Variants in HOOK1 observed in about 807,000 individuals in gnomAD.
HOOK1 encodes the protein protein Hook homolog 1.
In HOOK1, 60 loss-of-function variants were observed where a neutral mutation model predicts 112.8. The observed-to-expected ratio is 0.53, with a 90% CI of 0.43 to 0.66. The LOEUF (loss-of-function observed/expected upper bound fraction) is 0.66. Among genes scored for constraint, HOOK1 ranks in the 30% least tolerant of loss-of-function variants. The pLI, the probability that HOOK1 is intolerant of heterozygous loss-of-function variation, is 0.00. For synonymous variants in HOOK1, 294 were observed against 283.8 expected (o/e 1.04, Z -0.36); for missense variants, 770 against 856.0 (o/e 0.90, Z 1.25).
chr1:59,819,138 ATTTTTTTTTT>A lies in HOOK1; in HGVS notation c.64-2700_64-2691del, dbSNP rs60936378. Among the ~76,000 whole-genome samples, 67 of 76,536 alleles carry A rather than the reference ATTTTTTTTTT, an allele frequency of 8.8e-4. 1 individual carries two copies. Among genetic ancestry groups the A allele is most frequent in the Non-Finnish European group, 4.9e-4 (21 of 43,018 alleles). The allele number at this position is 76,536 out of a possible 152,430, so 50.2% of individuals were successfully genotyped here. ...TTTGACCTCACTCGCCCCAATAAGCATTTTTTTTTTTTTTTTTTTTTTTTTTTTTGAGGCG... is the reference window on the plus strand; with the variant it reads ...TTTGACCTCACTCGCCCCAATAAGCATTTTTTTTTTTTTTTTTTTGAGGCG... On this transcript the variant is annotated intron_variant, in intron 1 of 21. Transcript: ENST00000371208.
intron 7 of HOOK1, 127 bp from the exon 8 acceptor site, chr1:59,840,181 A>T: frequency 2.2e-6 from 1 of 460,800 alleles, no homozygotes; most frequent in Non-Finnish European, 3.6e-6. Flanking sequence ...ATTTCTTATT[A>T]GGTAAATTCA....
chr1:59,863,017 T>TG, intron 16 of HOOK1, 140 bp downstream of exon 16: 1 of 466,468 alleles, frequency 2.1e-6, no homozygotes. Flanking sequence ...ATCTGCATAA[T>TG]AGATGCAGTG....
chr1:59,855,964 T>TAAAAA (rs1559058013), intron 12 of HOOK1, among the ~76,000 whole-genome samples: 3 of 92,656 alleles, frequency 3.2e-5, no homozygotes, highest in African/African-American at 1.9e-4. Context: ...ATATATAAAT[T>TAAAAA]ATTATATATA....
At chr1:59,847,883 A>G (rs1206749106) in intron 10 of HOOK1, among the ~76,000 whole-genome samples, 40 of 151,666 alleles carry the variant, frequency 2.6e-4, no homozygotes, top group Non-Finnish European at 3.0e-5. Context: ...TTGCCTGACA[A>G]GTTTATAAAT....
intron 14 of HOOK1, 118 bp from the exon 15 acceptor site, chr1:59,860,070 T>C: frequency 1.5e-6 from 1 of 647,304 alleles, no homozygotes; most frequent in East Asian, 3.0e-5. Context: ...TGCTAGCTGG[T>C]CCTGCTTGCA....
At chr1:59,826,252 T>A (rs982410141) in intron 2 of HOOK1, among the ~76,000 whole-genome samples, 1 of 152,052 alleles carries the variant, frequency 6.6e-6, no homozygotes, top group African/African-American at 2.4e-5. Flanking sequence ...TGAGTGTTAT[T>A]GAAGTTCTGG....
At position 59,873,127 on chromosome 1, in the gene HOOK1, C is replaced by CT. The variant is rs1460806027; in HGVS notation, c.*165dup. 1.9e-6 allele frequency: 1 copy of CT among 527,108 alleles called. No homozygotes were observed. Among genetic ancestry groups the CT allele is most frequent in the Non-Finnish European group, 3.0e-6 (1 of 330,670 alleles). The allele number at this position is 527,108 out of a possible 1,614,324, so 32.7% of individuals were successfully genotyped here. On this transcript the variant is annotated 3_prime_UTR_variant, in exon 22 of 22. Coordinates refer to ENST00000371208, the MANE Select transcript of HOOK1 (RefSeq NM_015888.6). Reference sequence around the variant, plus strand: ...GCATCAAATTAATTTTGCCAGTTGACTTTAAAAACAAATTATAGAATTAGC... The same window carrying CT: ...GCATCAAATTAATTTTGCCAGTTGACTTTTAAAAACAAATTATAGAATTAGC...
In HOOK1 at chr1:59,832,560, G is replaced by A. The variant is rs77239681; in HGVS notation, c.273+347G>A. On this transcript the variant is annotated intron_variant, in intron 4 of 21. Transcript: ENST00000371208. ...CAATATTTTGACATTTCTTCCCAGC[G>A]TAAACAGTAGCAAAGACATAAATGA... Among the ~76,000 whole-genome samples the A allele has an allele frequency of 9.0e-3, 1,361 of 152,020 alleles. 7 individuals are homozygous for A. The highest frequency in any genetic ancestry group is 0.012 in the Non-Finnish European group (834 of 67,920).
chr1:59,855,984 A>ATTTTTTTT (rs1167413179), intron 12 of HOOK1, among the ~76,000 whole-genome samples: 17 of 60,286 alleles, frequency 2.8e-4, no homozygotes, highest in East Asian at 4.5e-4. Flanking sequence ...ATATATATAT[A>ATTTTTTTT]TTTTTTTTTT....
At chr1:59,834,083 G>A (rs2098395923) in intron 5 of HOOK1, among the ~76,000 whole-genome samples, 2 of 152,048 alleles carry the variant, frequency 1.3e-5, no homozygotes, top group African/African-American at 4.8e-5. Flanking sequence ...ATCATATTTG[G>A]TTGCATGTAA....
intron 2 of HOOK1, among the ~76,000 whole-genome samples, chr1:59,822,697 T>G (rs951005699): frequency 6.6e-6 from 1 of 152,188 alleles, no homozygotes; most frequent in African/African-American, 2.4e-5. Context: ...ATTAGCTTAC[T>G]TTGAGACCAG....
intron 2 of HOOK1, among the ~76,000 whole-genome samples, chr1:59,828,521 A>G (rs1195374278): frequency 6.6e-6 from 1 of 152,090 alleles, no homozygotes; most frequent in Non-Finnish European, 1.5e-5. Context: ...TTGGTTTTTT[A>G]CCTCTTCACG....
intron 12 of HOOK1, 114 bp from the exon 13 acceptor site, chr1:59,858,314 T>C (rs1417629587): frequency 7.0e-6 from 5 of 719,002 alleles, no homozygotes; most frequent in Non-Finnish European, 1.2e-5. Flanking sequence ...ACTAAAACAT[T>C]GTCACTTAAA....
At position 59,843,526 on chromosome 1, in the gene HOOK1, C is replaced by T. The variant is rs748360922; in HGVS notation, c.716C>T (p.Pro239Leu). Residue 239 changes from proline (P) to leucine (L), a missense_variant, in exon 9 of 22, where the codon CCA becomes CTA. By Grantham distance (98) the Pro-to-Leu change is moderately conservative. This residue lies in a region of HOOK1 where 655 missense variants were observed against 725.9 expected (regional missense o/e 0.90). Coordinates refer to ENST00000371208, the MANE Select transcript of HOOK1 (RefSeq NM_015888.6). ...CAGTTGGATGGCTCTTTTGATGATC[C>T]AAACACAGTGGTTGCAAAAAAGTAT... is the stretch of plus-strand genomic sequence containing the variant. ...LDQLDGSFDDPNTVVAKKYFH... is the reference protein window; with the variant it reads ...LDQLDGSFDDLNTVVAKKYFH... 6 of 1,609,490 alleles carry T rather than the reference C, an allele frequency of 3.7e-6. No individual in the cohort carries two copies.
At chr1:59,849,222 T>C in intron 12 of HOOK1, 39 bp downstream of exon 12, 1 of 1,382,430 alleles carries the variant, frequency 7.2e-7, no homozygotes, top group Non-Finnish European at 1.0e-6. Context: ...ATTTCATTGT[T>C]CTTTTAGTTT....
chr1:59,825,143 A>T (rs1451194136), intron 2 of HOOK1, among the ~76,000 whole-genome samples: 1 of 152,234 alleles, frequency 6.6e-6, no homozygotes, highest in African/African-American at 2.4e-5. Flanking sequence ...GGCACCAGAC[A>T]TATCAGATTA....
At chr1:59,836,836 C>T in intron 6 of HOOK1, 37 bp from the exon 7 acceptor site, 1 of 1,123,382 alleles carries the variant, frequency 8.9e-7, no homozygotes, top group Non-Finnish European at 1.3e-6. Flanking sequence ...ATAAACATCA[C>T]ATTGTTATAC....
At position 59,835,351 on chromosome 1, in the gene HOOK1, T is replaced by C. The variant is rs2098396823; in HGVS notation, c.413T>C (p.Ile138Thr). 1.3e-6 allele frequency: 2 copies of C among 1,569,560 alleles called. No homozygotes were observed. The highest frequency in any genetic ancestry group is 1.7e-5 in the Admixed American group (1 of 59,252). Residue 138 changes from isoleucine to threonine, a missense_variant, in exon 6 of 22, where the codon ATT (isoleucine) becomes ACT (threonine). By Grantham distance (89) the Ile-to-Thr change is moderately conservative. This residue lies in a region of HOOK1 where 655 missense variants were observed against 725.9 expected (regional missense o/e 0.90). Transcript: ENST00000371208. Reference sequence around the variant, plus strand: ...TGATTTTTTTAAATCATAGAACATATTCAAAATATAATGACACTGGAAGAG... The same window carrying C: ...TGATTTTTTTAAATCATAGAACATACTCAAAATATAATGACACTGGAAGAG... The part of the protein sequence containing the change: ...AINCEKKQEH[I>T]QNIMTLEESV...
chr1:59,858,577 A>C (rs984037410), intron 13 of HOOK1, 62 bp downstream of exon 13: 2 of 1,081,034 alleles, frequency 1.9e-6, no homozygotes, highest in African/African-American at 3.1e-5. Flanking sequence ...TCCATTCAAC[A>C]AAAAATAAAA....
Sources: gnomAD v4.1 joint callset for allele counts (sites outside exome capture counted in the v4.1 genomes callset) on GRCh38, gnomAD v4.1.1 for gene constraint, gnomAD v4.1.1 regional missense constraint, MANE v1.5 for transcripts, NCBI Gene and HGNC (gene_info 2026-07-23, HGNC 2026-07-21) for gene names.